The following GNAQ variants were observed in gnomAD, a reference collection of about 807,000 sequenced individuals.
GNAQ encodes the protein guanine nucleotide-binding protein G(q) subunit alpha.
Under a neutral mutation model 43.9 loss-of-function variants are expected in GNAQ, and 8 were observed. The ratio of observed to expected loss-of-function variants is 0.18; its 90% CI spans 0.11 to 0.33. The LOEUF is 0.33. Among genes scored for constraint, GNAQ ranks in the 10% least tolerant of loss-of-function variants. GNAQ has a pLI of 1.00. For missense variants in GNAQ, 158 were observed against 450.8 expected, an observed-to-expected ratio of 0.35 and a Z score of 5.88; for synonymous variants, 155 against 170.7, an observed-to-expected ratio of 0.91 and a Z score of 0.71.
chr9:77,805,947 G>A (rs1283201787), intron 3 of GNAQ, among the ~76,000 whole-genome samples: 2 of 152,312 alleles, frequency 1.3e-5, no homozygotes, highest in South Asian at 2.1e-4. Flanking sequence ...TTGGTAAATA[G>A]TTTCATTATC....
At chr9:77,774,869 A>T (rs1326302116) in intron 5 of GNAQ, among the ~76,000 whole-genome samples, 4 of 152,246 alleles carry the variant, frequency 2.6e-5, no homozygotes, top group Non-Finnish European at 5.9e-5. Flanking sequence ...GTAAAAATTT[A>T]AAAATGCAGG....
chr9:78,001,029 G>A (rs543757241), intron 1 of GNAQ, among the ~76,000 whole-genome samples: 127 of 152,230 alleles, frequency 8.3e-4, no homozygotes, highest in African/African-American at 2.7e-3. Flanking sequence ...AGCAAATAAA[G>A]AAATTAAACA....
chr9:77,866,480 C>A (rs1355059902), intron 2 of GNAQ, among the ~76,000 whole-genome samples: 2 of 152,074 alleles, frequency 1.3e-5, no homozygotes, highest in Non-Finnish European at 2.9e-5. Context: ...TAAAACTAAA[C>A]CAAATCATCA....
intron 5 of GNAQ, among the ~76,000 whole-genome samples, chr9:77,733,483 C>A (rs1379116088): frequency 2.6e-5 from 4 of 152,170 alleles, no homozygotes. Context: ...TCACCACTGC[C>A]ACATGACTGC....
intron 2 of GNAQ, among the ~76,000 whole-genome samples, chr9:77,862,007 G>GT (rs1276928963): frequency 0.013 from 1,195 of 94,280 alleles, 60 homozygotes; most frequent in Admixed American, 0.11. Flanking sequence ...TCTGTCTGGG[G>GT]TAAAAAAAAA....
chr9:77,849,297 A>G (rs1195721437), intron 2 of GNAQ, among the ~76,000 whole-genome samples: 1 of 152,192 alleles, frequency 6.6e-6, no homozygotes, highest in East Asian at 1.9e-4. Flanking sequence ...AAAACTATCT[A>G]AAAAATAGAA....
chr9:77,967,052 GTTC>G (rs971127012), intron 1 of GNAQ, among the ~76,000 whole-genome samples: 1 of 152,136 alleles, frequency 6.6e-6, no homozygotes, highest in Non-Finnish European at 1.5e-5. Flanking sequence ...TTGTTTTTCA[GTTC>G]TTTTTAGAAT....
At chr9:77,861,648 A>G (rs950574368) in intron 2 of GNAQ, among the ~76,000 whole-genome samples, 5 of 152,164 alleles carry the variant, frequency 3.3e-5, no homozygotes, top group African/African-American at 9.7e-5. Flanking sequence ...GGGCAGTCAA[A>G]TCTTAAAGGT....
chr9:77,792,268 G>C (rs536388069), intron 5 of GNAQ, among the ~76,000 whole-genome samples: 3 of 152,148 alleles, frequency 2.0e-5, no homozygotes, highest in Admixed American at 6.5e-5. Flanking sequence ...AGTGATTAGG[G>C]AGTCCTAATG....
chr9:77,986,713 C>T (rs1256710500), intron 1 of GNAQ, among the ~76,000 whole-genome samples: 2 of 151,626 alleles, frequency 1.3e-5, no homozygotes, highest in African/African-American at 4.8e-5. Context: ...CACTATGTTG[C>T]CCAAGCTAGT....
chr9:77,904,792 G>A (rs190774936), intron 2 of GNAQ, among the ~76,000 whole-genome samples: 119 of 152,162 alleles, frequency 7.8e-4, no homozygotes, highest in African/African-American at 2.8e-3. Flanking sequence ...GTTTGAAAAC[G>A]ATGCAGCTAT....
chr9:77,861,268 T>C (rs1009707077), intron 2 of GNAQ, among the ~76,000 whole-genome samples: 1 of 152,186 alleles, frequency 6.6e-6, no homozygotes, highest in African/African-American at 2.4e-5. Flanking sequence ...CATGATTCAA[T>C]TGCCTCCGGC....
chr9:77,769,809 C>T (rs941975878), intron 5 of GNAQ, among the ~76,000 whole-genome samples: 17 of 151,876 alleles, frequency 1.1e-4, no homozygotes, highest in South Asian at 2.1e-4. Flanking sequence ...CGACTACACG[C>T]GCCCGCCACA....
intron 1 of GNAQ, among the ~76,000 whole-genome samples, chr9:77,942,473 A>G (rs938940592): frequency 1.3e-5 from 2 of 152,200 alleles, no homozygotes; most frequent in African/African-American, 4.8e-5. Context: ...TATACTTGCA[A>G]AATGGTTGGC....
intron 1 of GNAQ, among the ~76,000 whole-genome samples, chr9:77,963,176 C>T (rs1823126653): frequency 6.6e-6 from 1 of 152,074 alleles, no homozygotes; most frequent in African/African-American, 2.4e-5. Context: ...CCAAAGAAAT[C>T]AGCAGTTTAT....
intron 1 of GNAQ, among the ~76,000 whole-genome samples, chr9:78,002,652 A>G (rs1389252881): frequency 1.3e-5 from 2 of 152,244 alleles, no homozygotes; most frequent in Non-Finnish European, 2.9e-5. Flanking sequence ...ACCCGCAGGT[A>G]AATTTCTACA....
At chr9:77,743,103 C>T (rs1349398667) in intron 5 of GNAQ, among the ~76,000 whole-genome samples, 1 of 152,044 alleles carries the variant, frequency 6.6e-6, no homozygotes. Context: ...ACTAAAAATA[C>T]AAAAATTAGC....
intron 1 of GNAQ, among the ~76,000 whole-genome samples, chr9:77,931,864 G>A (rs564042168): frequency 1.2e-3 from 181 of 146,578 alleles, no homozygotes; most frequent in African/African-American, 4.2e-3. Flanking sequence ...TACCTGGTAG[G>A]AAATAGACAA....
chr9:77,752,312 T>G (rs1471634474), intron 5 of GNAQ, among the ~76,000 whole-genome samples: 1 of 152,198 alleles, frequency 6.6e-6, no homozygotes, highest in Admixed American at 6.5e-5. Flanking sequence ...TAAGATGAGT[T>G]CTAATGTTTC....
Sources: allele counts gnomAD v4.1 joint callset (sites outside exome capture counted in the v4.1 genomes callset), GRCh38; gene constraint gnomAD v4.1.1; transcripts MANE v1.5; gene names NCBI Gene and HGNC (gene_info 2026-07-23, HGNC 2026-07-21).